The following PDE1A variants were observed in gnomAD, a reference collection of about 807,000 sequenced individuals.
PDE1A encodes the protein phosphodiesterase 1A, also known as dual specificity calcium/calmodulin-dependent 3',5'-cyclic nucleotide phosphodiesterase 1A.
In PDE1A, 35 loss-of-function variants were observed where a neutral mutation model predicts 61.7. The observed-to-expected ratio is 0.57, with a 90% CI of 0.43 to 0.75. PDE1A has a LOEUF of 0.75. PDE1A is among the 30% of genes least tolerant of loss of function. The probability of loss-of-function intolerance (pLI) is 0.00; values close to 1 mark genes in which losing one functional copy is unlikely to be tolerated. For synonymous variants in PDE1A, 232 were observed against 213.2 expected (o/e 1.09, Z -0.77); for missense variants, 597 against 630.6 (o/e 0.95, Z 0.57).
intron 1 of PDE1A, among the ~76,000 whole-genome samples, chr2:182,425,360 T>G (rs745364644): frequency 3.9e-5 from 6 of 152,170 alleles, no homozygotes; most frequent in African/African-American, 7.2e-5. Context: ...GGAAATATGG[T>G]AGGTGAATAT....
intron 1 of PDE1A, among the ~76,000 whole-genome samples, chr2:182,290,715 T>G (rs1694471394): frequency 6.6e-6 from 1 of 152,158 alleles, no homozygotes; most frequent in Admixed American, 6.6e-5. Context: ...ATTCTTCTGC[T>G]TAGATGATAG....
the PDE1A span, among the ~76,000 whole-genome samples, chr2:182,568,490 C>A: frequency 2.0e-5 from 3 of 151,916 alleles, no homozygotes; most frequent in Non-Finnish European, 4.4e-5. Context: ...AGCGGTGAAA[C>A]CCCATCTCTA....
At chr2:182,492,063 A>G (rs1031395461) in intron 2 of PDE1A, among the ~76,000 whole-genome samples, 1 of 152,062 alleles carries the variant, frequency 6.6e-6, no homozygotes, top group Non-Finnish European at 1.5e-5. Context: ...GGCTAGTCTG[A>G]TCATTTCCTA....
At chr2:182,490,652 C>T (rs773576233) in intron 2 of PDE1A, among the ~76,000 whole-genome samples, 15 of 152,144 alleles carry the variant, frequency 9.9e-5, no homozygotes, top group African/African-American at 2.2e-4. Context: ...GGATTACAGG[C>T]GTGAGCCACC....
chr2:182,517,149 T>C (rs1447571145), intron 2 of PDE1A, among the ~76,000 whole-genome samples: 1 of 152,184 alleles, frequency 6.6e-6, no homozygotes, highest in Non-Finnish European at 1.5e-5. Flanking sequence ...GGATGCAAGA[T>C]AAATATAATG....
At chr2:182,434,373 A>G (rs915094669) in intron 2 of PDE1A, among the ~76,000 whole-genome samples, 5 of 152,112 alleles carry the variant, frequency 3.3e-5, no homozygotes, top group African/African-American at 1.2e-4. Context: ...CTGCTGTAAC[A>G]GAATACTTGA....
chr2:182,163,761 T>G (rs1691508707), downstream of PDE1A, among the ~76,000 whole-genome samples: 1 of 152,160 alleles, frequency 6.6e-6, no homozygotes. Context: ...CACAAAAAAC[T>G]GCTAGTTATG....
At chr2:182,543,143 A>C in the PDE1A span, among the ~76,000 whole-genome samples, 2 of 152,328 alleles carry the variant, frequency 1.3e-5, no homozygotes, top group East Asian at 3.9e-4. Context: ...ATCATGCTTT[A>C]TACCTGCACT....
chr2:182,172,347 T>C (rs996498847), intron 13 of PDE1A, among the ~76,000 whole-genome samples: 1 of 152,034 alleles, frequency 6.6e-6, no homozygotes, highest in African/African-American at 2.4e-5. Flanking sequence ...AGGCATTTGT[T>C]TGCACTGGTA....
Position 182,500,299 on chromosome 2 carries a change from T to G in PDE1A, c.101+21977A>C, listed in dbSNP as rs186187318. Among the ~76,000 whole-genome samples, 596 of 152,264 alleles carry G rather than the reference T, an allele frequency of 3.9e-3. 11 individuals are homozygous for G. Among genetic ancestry groups the G allele is most frequent in the Admixed American group, 0.033 (508 of 15,294 alleles). On this transcript the variant is annotated intron_variant, in intron 2 of 14. Transcript: ENST00000410103. ...AAATACTGATTCACTGAAGTGGTCA[T>G]AGAACTACATTGGGAGGAGGGTCAG...
intron 2 of PDE1A, among the ~76,000 whole-genome samples, chr2:182,500,543 A>G (rs1190404670): frequency 6.6e-6 from 1 of 152,196 alleles, no homozygotes; most frequent in Non-Finnish European, 1.5e-5. Context: ...ACATCTCACT[A>G]AGGGTCCAAG....
At chr2:182,201,647 T>TAAAAAAAA in intron 9 of PDE1A, 41 bp downstream of exon 9, 2 of 569,386 alleles carry the variant, frequency 3.5e-6, no homozygotes, top group Non-Finnish European at 4.6e-6. Context: ...AACTTTAACA[T>TAAAAAAAA]GACAAAAAAA....
rs147783300 is a variant in PDE1A, at chr2:182,272,981, G to A, written c.54-8567C>T. On this transcript the variant is annotated intron_variant, in intron 1 of 13. Transcript: ENST00000351439. ...ATCTCTTTTGAGAACATTAGAGTAAGGAAGTTGATGAAGTTAATGTACAAG... is the reference window on the plus strand; with the variant it reads ...ATCTCTTTTGAGAACATTAGAGTAAAGAAGTTGATGAAGTTAATGTACAAG... 4.0e-3 allele frequency among the ~76,000 whole-genome samples: 615 copies of A among 152,098 alleles called. 3 individuals are homozygous for A. Among genetic ancestry groups the A allele is most frequent in the African/African-American group, 0.014 (574 of 41,516 alleles).
the PDE1A span, among the ~76,000 whole-genome samples, chr2:182,583,467 T>A: frequency 1.3e-5 from 2 of 152,222 alleles, no homozygotes; most frequent in Non-Finnish European, 2.9e-5. Context: ...AATGCAATCA[T>A]CATCATCCAT....
chr2:182,648,149 G>A, the PDE1A span, among the ~76,000 whole-genome samples: 1 of 152,156 alleles, frequency 6.6e-6, no homozygotes. Context: ...GGCAATCTGT[G>A]CATATAACAA....
At chr2:182,390,744 G>T (rs1448536447) in intron 1 of PDE1A, among the ~76,000 whole-genome samples, 1 of 152,196 alleles carries the variant, frequency 6.6e-6, no homozygotes, top group Admixed American at 6.5e-5. Flanking sequence ...GAAAAGAATG[G>T]GTCCCTGCAA....
At chr2:182,492,231 T>A (rs1185276663) in intron 2 of PDE1A, among the ~76,000 whole-genome samples, 3 of 152,190 alleles carry the variant, frequency 2.0e-5, no homozygotes, top group Non-Finnish European at 4.4e-5. Flanking sequence ...TGGACTACAC[T>A]ATAATTATTT....
At chr2:182,503,604 A>G (rs149589799) in intron 2 of PDE1A, among the ~76,000 whole-genome samples, 121 of 152,200 alleles carry the variant, frequency 8.0e-4, no homozygotes, top group African/African-American at 2.8e-3. Flanking sequence ...TCCGCACACC[A>G]AGGCCAATGC....
intron 2 of PDE1A, among the ~76,000 whole-genome samples, chr2:182,500,030 A>G (rs1163271875): frequency 6.6e-6 from 1 of 152,260 alleles, no homozygotes; most frequent in East Asian, 1.9e-4. Context: ...AAATGTCTCT[A>G]AGGAAAAGAG....
Sources: gnomAD v4.1 joint callset for allele counts (sites outside exome capture counted in the v4.1 genomes callset) on GRCh38, gnomAD v4.1.1 for gene constraint, MANE v1.5 for transcripts, NCBI Gene and HGNC (gene_info 2026-07-23, HGNC 2026-07-21) for gene names.